Variants in PIBF1 observed in about 807,000 individuals in gnomAD.
PIBF1 encodes the protein progesterone immunomodulatory binding factor 1.
In PIBF1, 90 loss-of-function variants were observed where a neutral mutation model predicts 112.5. That is an observed-to-expected ratio of 0.80 (90% CI 0.67 to 0.95). The LOEUF (loss-of-function observed/expected upper bound fraction) is 0.95, where lower values mean the gene tolerates loss of function less well. Ranked by LOEUF, PIBF1 falls within the 40% of genes least tolerant of loss-of-function variation. The pLI is 0.00. For synonymous variants in PIBF1, 301 were observed against 288.6 expected, an observed-to-expected ratio of 1.04 and a Z score of -0.44; for missense variants, 915 against 852.3, an observed-to-expected ratio of 1.07 and a Z score of -0.92.
At chr13:72,947,952 A>T (rs972697437) in intron 14 of PIBF1, among the ~76,000 whole-genome samples, 1 of 152,182 alleles carries the variant, frequency 6.6e-6, no homozygotes, top group Admixed American at 6.5e-5. Context: ...GCTGGAAACC[A>T]TCATTCTCAG....
At chr13:72,852,773 A>G (rs2038225574) in intron 9 of PIBF1, among the ~76,000 whole-genome samples, 1 of 152,196 alleles carries the variant, frequency 6.6e-6, no homozygotes, top group Non-Finnish European at 1.5e-5. Context: ...CTCCCTACTC[A>G]TATTCTGTAT....
intron 14 of PIBF1, among the ~76,000 whole-genome samples, chr13:72,958,579 C>T (rs1176314104): frequency 2.0e-5 from 3 of 152,150 alleles, no homozygotes; most frequent in Admixed American, 6.5e-5. Flanking sequence ...TAGCTCTACA[C>T]TAAGATCCCA....
At chr13:72,988,994 T>C (rs890257387) in intron 16 of PIBF1, among the ~76,000 whole-genome samples, 6 of 152,060 alleles carry the variant, frequency 3.9e-5, no homozygotes, top group African/African-American at 1.4e-4. Flanking sequence ...GCGGAAATCA[T>C]GCCACTGCAC....
At chr13:72,846,987 T>C (rs1286785062) in intron 9 of PIBF1, among the ~76,000 whole-genome samples, 3 of 152,326 alleles carry the variant, frequency 2.0e-5, no homozygotes, top group African/African-American at 4.8e-5. Context: ...GATGAAAACC[T>C]ACTCAAAGGT....
chr13:72,927,989 A>G (rs1233167526), intron 13 of PIBF1, among the ~76,000 whole-genome samples: 5 of 49,462 alleles, frequency 1.0e-4, no homozygotes, highest in African/African-American at 6.0e-4. Flanking sequence ...ATATATATAT[A>G]CACACACATA....
chr13:72,812,912 C>T (rs905442389), intron 5 of PIBF1, among the ~76,000 whole-genome samples: 1 of 151,934 alleles, frequency 6.6e-6, no homozygotes. Flanking sequence ...CAAGATCGCA[C>T]CACTGTATTC....
chr13:73,014,118 C>T (rs1432691182), intron 17 of PIBF1, among the ~76,000 whole-genome samples: 3 of 145,576 alleles, frequency 2.1e-5, no homozygotes, highest in Admixed American at 7.0e-5. Context: ...GGACTACAGG[C>T]GCATGCCACC....
At chr13:72,841,064 TAAGAA>T (rs1437413965) in intron 9 of PIBF1, among the ~76,000 whole-genome samples, 1 of 152,174 alleles carries the variant, frequency 6.6e-6, no homozygotes, top group African/African-American at 2.4e-5. Flanking sequence ...TATAAAGACT[TAAGAA>T]AAGGGCAATT....
chr13:72,843,811 C>T (rs2037718465), intron 9 of PIBF1, among the ~76,000 whole-genome samples: 1 of 152,118 alleles, frequency 6.6e-6, no homozygotes, highest in Admixed American at 6.5e-5. Flanking sequence ...TCTGCTGTGC[C>T]CCAGATTTCA....
chr13:72,877,732 T>C (rs2039464943), intron 10 of PIBF1, among the ~76,000 whole-genome samples: 1 of 151,732 alleles, frequency 6.6e-6, no homozygotes, highest in Non-Finnish European at 1.5e-5. Flanking sequence ...ACTGTTTCAT[T>C]TCTTTTTTTT....
intron 14 of PIBF1, among the ~76,000 whole-genome samples, chr13:72,959,555 A>G (rs1404533904): frequency 6.6e-6 from 1 of 152,246 alleles, no homozygotes. Context: ...CTGGCAATAA[A>G]GAACTTCATT....
At chr13:72,986,340 A>G (rs906225651) in intron 16 of PIBF1, among the ~76,000 whole-genome samples, 5 of 152,220 alleles carry the variant, frequency 3.3e-5, no homozygotes, top group Admixed American at 3.3e-4. Context: ...TGAGAAGTCC[A>G]GGGTAATCAG....
intron 17 of PIBF1, among the ~76,000 whole-genome samples, chr13:73,003,090 G>A (rs2043924479): frequency 6.6e-6 from 1 of 150,884 alleles, no homozygotes; most frequent in Admixed American, 6.6e-5. Flanking sequence ...TTTTTGGTGA[G>A]TTTACGACGT....
chr13:72,888,273 T>A (rs1022573142), intron 10 of PIBF1, among the ~76,000 whole-genome samples: 1 of 152,154 alleles, frequency 6.6e-6, no homozygotes, highest in African/African-American at 2.4e-5. Context: ...AGAAGATTTT[T>A]AAGATAATAT....
chr13:72,960,166 T>C (rs904771663), intron 14 of PIBF1, among the ~76,000 whole-genome samples: 1 of 152,218 alleles, frequency 6.6e-6, no homozygotes, highest in African/African-American at 2.4e-5. Context: ...TTATAGTATT[T>C]ATTATCCAGA....
Position 72,854,085 on chromosome 13 carries a change from G to GTGGCTGAAAAGGAACGAGCAGTGA in PIBF1, c.1266_1289dup (p.Glu422_Lys429dup). The GTGGCTGAAAAGGAACGAGCAGTGA allele has an allele frequency of 6.2e-7, 1 of 1,613,096 alleles. No homozygotes were observed. The highest frequency in any genetic ancestry group is 8.5e-7 in the Non-Finnish European group (1 of 1,179,182). On this transcript the variant is annotated inframe_insertion, in exon 10 of 18. Transcript: ENST00000326291. The stretch of plus-strand genomic sequence containing the variant: ...TCTCCGAGAAGCAAGGGATAATGCT[G>GTGGCTGAAAAGGAACGAGCAGTGA]TGGCTGAAAAGGAACGAGCAGTGAT...
chr13:72,999,484 C>T (rs1213120084), intron 17 of PIBF1, among the ~76,000 whole-genome samples: 2 of 152,076 alleles, frequency 1.3e-5, no homozygotes, highest in Non-Finnish European at 2.9e-5. Context: ...CAAATGGTTT[C>T]TCAATCATGC....
intron 10 of PIBF1, among the ~76,000 whole-genome samples, chr13:72,889,560 C>A (rs1295422465): frequency 6.6e-6 from 1 of 152,122 alleles, no homozygotes; most frequent in African/African-American, 2.4e-5. Context: ...TGCCTAATAA[C>A]TGAATACTAA....
chr13:72,851,576 G>T lies in PIBF1; in HGVS notation c.1224-2481G>T, dbSNP rs570473409. On this transcript the variant is annotated intron_variant, in intron 9 of 17. Transcript: ENST00000326291. Reference sequence around the variant, plus strand: ...CCAGGCTGGGCGCCAGGTTACAGCTGGTTGATGGCGGCAGGAGGCAGGCTG... The same window carrying T: ...CCAGGCTGGGCGCCAGGTTACAGCTTGTTGATGGCGGCAGGAGGCAGGCTG... Among the ~76,000 whole-genome samples the T allele has an allele frequency of 4.8e-4, 73 of 152,226 alleles. 1 individual carries two copies. Among genetic ancestry groups the T allele is most frequent in the Non-Finnish European group, 1.3e-4 (9 of 68,038 alleles).
Sources: allele counts gnomAD v4.1 joint callset (sites outside exome capture counted in the v4.1 genomes callset), GRCh38; gene constraint gnomAD v4.1.1; transcripts MANE v1.5; gene names NCBI Gene and HGNC (gene_info 2026-07-23, HGNC 2026-07-21).